The following CSMD1 variants were observed in gnomAD, a reference collection of about 807,000 sequenced individuals.
The protein encoded by CSMD1 is CUB and Sushi multiple domains 1.
In CSMD1, 213 loss-of-function variants were observed where a neutral mutation model predicts 417.5. The ratio of observed to expected loss-of-function variants is 0.51; its 90% CI spans 0.46 to 0.57. The LOEUF is 0.57. Among genes scored for constraint, CSMD1 ranks in the 20% least tolerant of loss-of-function variants. The pLI, the probability that CSMD1 is intolerant of heterozygous loss-of-function variation, is 0.00. For synonymous variants in CSMD1, 2,862 were observed against 1,736.8 expected, an observed-to-expected ratio of 1.65 and a Z score of -16.11; for missense variants, 6,923 against 4,529.7, an observed-to-expected ratio of 1.53 and a Z score of -15.17.
intron 12 of CSMD1, among the ~76,000 whole-genome samples, chr8:3,448,481 C>CA (rs1458190550): frequency 3.0e-5 from 3 of 98,944 alleles, no homozygotes; most frequent in Non-Finnish European, 6.2e-5. Flanking sequence ...TCTTGCTGTA[C>CA]AAAAAAGGTG....
At chr8:4,005,339 G>A (rs997395806) in intron 4 of CSMD1, among the ~76,000 whole-genome samples, 1 of 152,238 alleles carries the variant, frequency 6.6e-6, no homozygotes, top group East Asian at 1.9e-4. Flanking sequence ...CATTGTACTT[G>A]CAGAAAACGT....
At chr8:3,090,584 ACT>A (rs952856867) in intron 48 of CSMD1, among the ~76,000 whole-genome samples, 23 of 152,096 alleles carry the variant, frequency 1.5e-4, no homozygotes, top group Non-Finnish European at 2.9e-4. Flanking sequence ...CTGTTTTAAC[ACT>A]GTTTCCTGGT....
Position 4,508,561 on chromosome 8 carries a change from A to T in CSMD1, c.303-88496T>A, listed in dbSNP as rs1338844836. Among the ~76,000 whole-genome samples the T allele has an allele frequency of 2.0e-5, 3 of 152,278 alleles. No individual in the cohort carries two copies. In the East Asian group the frequency reaches 5.8e-4, roughly 30 times the overall value. ...ATGAAGTTTACTGCATATTAAAGAGATCAAAGAGAATCAGAATATGCCATA... is the reference window on the plus strand; with the variant it reads ...ATGAAGTTTACTGCATATTAAAGAGTTCAAAGAGAATCAGAATATGCCATA... On this transcript the variant is annotated intron_variant, in intron 2 of 69. Coordinates refer to ENST00000635120, the MANE Select transcript of CSMD1 (RefSeq NM_033225.6).
intron 3 of CSMD1, among the ~76,000 whole-genome samples, chr8:4,314,488 T>G (rs1798809882): frequency 6.6e-6 from 1 of 152,190 alleles, no homozygotes; most frequent in Non-Finnish European, 1.5e-5. Flanking sequence ...CTTGAATACC[T>G]TTCTAAGCAG....
At chr8:3,373,277 T>C (rs1810089736) in intron 18 of CSMD1, 1 of 152,204 alleles carries the variant, frequency 6.6e-6, no homozygotes, top group African/African-American at 2.4e-5. Context: ...TGCCCTCTTT[T>C]TGATGTTTTC....
chr8:3,777,177 G>C (rs1344738688), intron 5 of CSMD1, among the ~76,000 whole-genome samples: 7 of 151,536 alleles, frequency 4.6e-5, no homozygotes, highest in Non-Finnish European at 7.4e-5. Flanking sequence ...ATATATGTAT[G>C]TGTGTCTGTT....
chr8:3,572,576 C>G (rs557978646), intron 10 of CSMD1, among the ~76,000 whole-genome samples: 3 of 152,292 alleles, frequency 2.0e-5, no homozygotes, highest in Admixed American at 1.3e-4. Context: ...AAACCATTCC[C>G]TTGATTTGAT....
Position 4,994,417 on chromosome 8 carries a change from G to A in CSMD1, c.-1C>T. 1.2e-6 allele frequency: 2 copies of A among 1,611,554 alleles called. No homozygotes were observed. The highest frequency in any genetic ancestry group is 2.2e-5 in the East Asian group (1 of 44,852). On this transcript the variant is annotated 5_prime_UTR_variant, in exon 1 of 70. Coordinates refer to ENST00000635120, the MANE Select transcript of CSMD1 (RefSeq NM_033225.6). ...ACTGGAATCTCCTCCACGCAGTCAT[G>A]TCTGCAGATACTCCACACGCACGCG... is the stretch of plus-strand genomic sequence containing the variant.
At chr8:4,146,740 G>A (rs1208470152) in intron 3 of CSMD1, among the ~76,000 whole-genome samples, 5 of 148,642 alleles carry the variant, frequency 3.4e-5, no homozygotes, top group African/African-American at 7.7e-5. Flanking sequence ...GCCTCCAGAG[G>A]AGCTGGGACT....
chr8:3,538,108 G>C (rs371500528), intron 10 of CSMD1, among the ~76,000 whole-genome samples: 15 of 152,320 alleles, frequency 9.8e-5, no homozygotes, highest in East Asian at 3.9e-4. Context: ...AGTGTTTCAA[G>C]TTTATAAACC....
At chr8:4,635,712 T>A (rs992733821) in intron 2 of CSMD1, among the ~76,000 whole-genome samples, 3 of 152,106 alleles carry the variant, frequency 2.0e-5, no homozygotes, top group Admixed American at 6.5e-5. Context: ...CGTTGATAAT[T>A]GACAACAAAA....
chr8:3,871,250 C>G (rs1025018367), intron 5 of CSMD1, among the ~76,000 whole-genome samples: 1 of 151,984 alleles, frequency 6.6e-6, no homozygotes, highest in Non-Finnish European at 1.5e-5. Flanking sequence ...TATTTTAGCA[C>G]TTAATAATGC....
At chr8:4,179,976 A>T (rs190944608) in intron 3 of CSMD1, among the ~76,000 whole-genome samples, 1 of 152,054 alleles carries the variant, frequency 6.6e-6, no homozygotes, top group Non-Finnish European at 1.5e-5. Flanking sequence ...TTACACTGTT[A>T]GTGGGACTGT....
At chr8:4,543,998 C>T (rs1010313925) in intron 2 of CSMD1, among the ~76,000 whole-genome samples, 1 of 152,112 alleles carries the variant, frequency 6.6e-6, no homozygotes, top group Non-Finnish European at 1.5e-5. Context: ...TTGAGTTTTA[C>T]ATTTAATTAT....
intron 2 of CSMD1, among the ~76,000 whole-genome samples, chr8:4,610,087 C>G (rs1299888263): frequency 6.6e-6 from 1 of 151,824 alleles, no homozygotes; most frequent in Non-Finnish European, 1.5e-5. Context: ...GGATGCTCCC[C>G]TACCTCTATT....
chr8:4,566,471 G>C lies in CSMD1; in HGVS notation c.302+70871C>G, dbSNP rs927882352. ...GAACGAGACCATCCTGGCTAACAAG[G>C]TGAAACCCCGTCTCTACTAAAAATA... is the stretch of plus-strand genomic sequence containing the variant. On this transcript the variant is annotated intron_variant, in intron 2 of 69. Coordinates refer to ENST00000635120, the MANE Select transcript of CSMD1 (RefSeq NM_033225.6). 5.3e-5 allele frequency among the ~76,000 whole-genome samples: 8 copies of C among 151,068 alleles called. No homozygotes were observed. In the East Asian group the frequency reaches 1.4e-3, roughly 26 times the overall value.
chr8:3,620,265 G>T (rs1055390375), intron 7 of CSMD1, among the ~76,000 whole-genome samples: 2 of 146,640 alleles, frequency 1.4e-5, no homozygotes, highest in South Asian at 2.1e-4. Context: ...TATTACCAAT[G>T]TATGTTCCCT....
chr8:3,865,909 A>C (rs912429404), intron 5 of CSMD1, among the ~76,000 whole-genome samples: 2 of 152,244 alleles, frequency 1.3e-5, no homozygotes, highest in African/African-American at 4.8e-5. Flanking sequence ...AATTGTCAAA[A>C]CCACATTAAT....
At chr8:3,169,615 C>G (rs1203450495) in intron 37 of CSMD1, among the ~76,000 whole-genome samples, 1 of 152,032 alleles carries the variant, frequency 6.6e-6, no homozygotes, top group Non-Finnish European at 1.5e-5. Context: ...ATACTTAATA[C>G]CACTGAACTG....
Sources: gnomAD v4.1 joint callset for allele counts (sites outside exome capture counted in the v4.1 genomes callset) on GRCh38, gnomAD v4.1.1 for gene constraint, MANE v1.5 for transcripts, NCBI Gene and HGNC (gene_info 2026-07-23, HGNC 2026-07-21) for gene names.